The following PRDM5 variants were observed in gnomAD, a reference collection of about 807,000 sequenced individuals.
PRDM5 encodes PR/SET domain 5, also known as PR domain zinc finger protein 5.
Under a neutral mutation model 81.2 loss-of-function variants are expected in PRDM5, and 56 were observed. That is an observed-to-expected ratio of 0.69 (90% CI 0.56 to 0.86). The LOEUF (loss-of-function observed/expected upper bound fraction) is 0.86, where lower values mean the gene tolerates loss of function less well. Ranked by LOEUF, PRDM5 falls within the 40% of genes least tolerant of loss-of-function variation. The probability of loss-of-function intolerance (pLI) is 0.00; values close to 1 mark genes in which losing one functional copy is unlikely to be tolerated. For synonymous variants in PRDM5, 267 were observed against 256.4 expected, an observed-to-expected ratio of 1.04 and a Z score of -0.39; for missense variants, 697 against 770.1, an observed-to-expected ratio of 0.91 and a Z score of 1.12.
chr4:120,723,964 G>T (rs951202090), intron 14 of PRDM5, among the ~76,000 whole-genome samples: 2 of 119,232 alleles, frequency 1.7e-5, no homozygotes, highest in African/African-American at 3.2e-5. Context: ...ATGTTGCTGG[G>T]AGTTTCCTTT....
At chr4:120,822,517 GA>G (rs1456847432) in intron 3 of PRDM5, among the ~76,000 whole-genome samples, 1 of 152,168 alleles carries the variant, frequency 6.6e-6, no homozygotes, top group Non-Finnish European at 1.5e-5. Flanking sequence ...GAATAGGAGA[GA>G]GGGGAGGAAG....
At chr4:120,901,633 G>T (rs1765238230) in intron 2 of PRDM5, among the ~76,000 whole-genome samples, 1 of 152,150 alleles carries the variant, frequency 6.6e-6, no homozygotes, top group African/African-American at 2.4e-5. Context: ...TTGTCCTAAT[G>T]TTCCTTGTGT....
At chr4:120,766,158 C>A (rs566342809) in intron 13 of PRDM5, among the ~76,000 whole-genome samples, 1 of 152,062 alleles carries the variant, frequency 6.6e-6, no homozygotes, top group Non-Finnish European at 1.5e-5. Flanking sequence ...TAGGGTTTCA[C>A]CACGTTGGCC....
At chr4:120,815,713 G>A (rs1314081194) in intron 7 of PRDM5, among the ~76,000 whole-genome samples, 2 of 152,150 alleles carry the variant, frequency 1.3e-5, no homozygotes, top group African/African-American at 4.8e-5. Flanking sequence ...AGAATATGAA[G>A]AGAAGAACAC....
intron 4 of PRDM5, among the ~76,000 whole-genome samples, chr4:120,818,937 A>T (rs908659941): frequency 2.0e-5 from 3 of 152,224 alleles, no homozygotes; most frequent in African/African-American, 7.2e-5. Context: ...TCTCACATAC[A>T]TGTGAAAAAA....
chr4:120,799,870 A>G, intron 8 of PRDM5, 125 bp from the exon 9 acceptor site: 3 of 1,476,304 alleles, frequency 2.0e-6, no homozygotes, highest in Non-Finnish European at 9.0e-7. Context: ...ATTACAATTC[A>G]GCCCTAATTT....
At chr4:120,904,211 A>AAAAAAAAAAAAAAAAAAAAAAG (rs1765541657) in intron 2 of PRDM5, among the ~76,000 whole-genome samples, 1 of 148,744 alleles carries the variant, frequency 6.7e-6, no homozygotes. Context: ...AAAAACAAAA[A>AAAAAAAAAAAAAAAAAAAAAAG]AACCTCCTTC....
chr4:120,907,334 CAA>C (rs61156380), intron 2 of PRDM5, 138 bp downstream of exon 2: 9,540 of 562,070 alleles, frequency 0.017, no homozygotes, highest in Middle Eastern at 0.025. Context: ...ATCTCCATCT[CAA>C]AAAAAAAAAA....
intron 3 of PRDM5, among the ~76,000 whole-genome samples, chr4:120,824,919 G>A (rs1755764320): frequency 6.6e-6 from 1 of 152,110 alleles, no homozygotes; most frequent in Admixed American, 6.6e-5. Context: ...ACTTTGTATA[G>A]TCATCTTCTG....
rs140251783 is a variant in PRDM5, at chr4:120,694,599, G to T, written c.*512C>A. The T allele has an allele frequency of 8.4e-4, 131 of 155,926 alleles. 3 individuals are homozygous for T. In the East Asian group the frequency reaches 0.024, roughly 28 times the overall value. 9.7% of individuals were successfully genotyped at this position (155,926 alleles called of 1,614,324 possible). A position where few individuals can be genotyped will look rare whatever the true frequency, so the allele number is the denominator to read the frequency against. ...AACTATTTATTTTCCTATCAAACTT[G>T]AGACTTTGATAACTTATTCTTATCC... On this transcript the variant is annotated 3_prime_UTR_variant, in exon 16 of 16. Transcript: ENST00000264808.
chr4:120,700,614 C>T (rs1289289343), intron 15 of PRDM5, among the ~76,000 whole-genome samples: 4 of 151,964 alleles, frequency 2.6e-5, no homozygotes, highest in Admixed American at 1.3e-4. Context: ...AAAAACAGCC[C>T]CATTAAAAAA....
intron 14 of PRDM5, among the ~76,000 whole-genome samples, chr4:120,729,855 C>T (rs1739998177): frequency 6.6e-6 from 1 of 152,146 alleles, no homozygotes; most frequent in Non-Finnish European, 1.5e-5. Context: ...CGTGGGGTGT[C>T]CCCATGCCAG....
chr4:120,826,073 G>A (rs1277370202), intron 3 of PRDM5, among the ~76,000 whole-genome samples: 1 of 152,026 alleles, frequency 6.6e-6, no homozygotes, highest in Non-Finnish European at 1.5e-5. Flanking sequence ...ACCATCTCCA[G>A]GTCCACATCA....
chr4:120,827,403 G>T (rs534999841), intron 3 of PRDM5, among the ~76,000 whole-genome samples: 1 of 152,188 alleles, frequency 6.6e-6, no homozygotes, highest in Non-Finnish European at 1.5e-5. Flanking sequence ...AAAAGTCAGA[G>T]GTAGTGCCAT....
At chr4:120,778,669 A>C (rs1748545410) in intron 12 of PRDM5, among the ~76,000 whole-genome samples, 1 of 152,116 alleles carries the variant, frequency 6.6e-6, no homozygotes, top group Non-Finnish European at 1.5e-5. Context: ...TTTATATTAT[A>C]CTCGAGTTTG....
chr4:120,708,642 T>G (rs1354261487), intron 15 of PRDM5, among the ~76,000 whole-genome samples: 2 of 152,122 alleles, frequency 1.3e-5, no homozygotes, highest in African/African-American at 4.8e-5. Context: ...CATGTGAATT[T>G]CACCTCAATT....
chr4:120,897,720 C>G (rs890079024), intron 2 of PRDM5, among the ~76,000 whole-genome samples: 1 of 152,036 alleles, frequency 6.6e-6, no homozygotes, highest in Non-Finnish European at 1.5e-5. Flanking sequence ...TTTGTCATAC[C>G]TACTATGTAA....
In PRDM5 at chr4:120,821,167, A is replaced by G; in HGVS notation, c.475+4T>C. 5.0e-6 allele frequency: 8 copies of G among 1,613,730 alleles called. No individual in the cohort carries two copies. Among genetic ancestry groups the G allele is most frequent in the Non-Finnish European group, 6.8e-6 (8 of 1,179,640 alleles). On this transcript the variant is annotated splice_donor_region_variant and intron_variant, in intron 4 of 15. Transcript: ENST00000264808. ...TCCCAGATCACCAATTAAAGATGCA[A>G]TACCTTTTCTGCCCGCTGTTGATTG...
chr4:120,836,496 C>T (rs1757369931), intron 3 of PRDM5, among the ~76,000 whole-genome samples: 1 of 152,148 alleles, frequency 6.6e-6, no homozygotes, highest in African/African-American at 2.4e-5. Flanking sequence ...GCCCTCAATT[C>T]CAAATGACTT....
Sources: gnomAD v4.1 joint callset for allele counts (sites outside exome capture counted in the v4.1 genomes callset) on GRCh38, gnomAD v4.1.1 for gene constraint, MANE v1.5 for transcripts, NCBI Gene and HGNC (gene_info 2026-07-23, HGNC 2026-07-21) for gene names.